The following DOK5 variants were observed in gnomAD, a reference collection of about 807,000 sequenced individuals.
DOK5 encodes docking protein 5.
Under a neutral mutation model 43.3 loss-of-function variants are expected in DOK5, and 27 were observed. The observed-to-expected ratio is 0.62, with a 90% CI of 0.46 to 0.86. DOK5 has a LOEUF of 0.86. DOK5 is among the 40% of genes least tolerant of loss of function. The pLI is 0.00. For synonymous variants in DOK5, 146 were observed against 140.1 expected, an observed-to-expected ratio of 1.04 and a Z score of -0.30; for missense variants, 373 against 392.9, an observed-to-expected ratio of 0.95 and a Z score of 0.43.
At chr20:54,618,162 G>A (rs900651229) in intron 6 of DOK5, among the ~76,000 whole-genome samples, 1 of 152,142 alleles carries the variant, frequency 6.6e-6, no homozygotes, top group African/African-American at 2.4e-5. Flanking sequence ...TGAGAAAAGG[G>A]ATGTTCAGCA....
At chr20:54,477,960 C>T (rs1371811472) in intron 1 of DOK5, among the ~76,000 whole-genome samples, 2 of 152,134 alleles carry the variant, frequency 1.3e-5, no homozygotes, top group Non-Finnish European at 2.9e-5. Flanking sequence ...ATATTTGAAG[C>T]AGAAGGAACA....
At chr20:54,505,163 G>GCCCT (rs1157232923) in intron 1 of DOK5, among the ~76,000 whole-genome samples, 1 of 152,118 alleles carries the variant, frequency 6.6e-6, no homozygotes, top group Non-Finnish European at 1.5e-5. Context: ...GCAATGTAGG[G>GCCCT]ATATTATAGG....
intron 6 of DOK5, among the ~76,000 whole-genome samples, chr20:54,626,719 T>A (rs1162821893): frequency 3.9e-5 from 6 of 152,172 alleles, no homozygotes; most frequent in Admixed American, 2.6e-4. Context: ...ATGGGTGTCG[T>A]GATGCAATTG....
intron 5 of DOK5, among the ~76,000 whole-genome samples, chr20:54,600,343 A>T (rs760846021): frequency 2.6e-5 from 4 of 152,098 alleles, no homozygotes; most frequent in Non-Finnish European, 5.9e-5. Context: ...AGTTTGAGCA[A>T]GTCCCCAAGA....
At chr20:54,593,814 C>T (rs2146773138) in intron 5 of DOK5, among the ~76,000 whole-genome samples, 1 of 152,236 alleles carries the variant, frequency 6.6e-6, no homozygotes, top group East Asian at 1.9e-4. Context: ...ACTATGCAGC[C>T]ATAAAAAAGA....
chr20:54,498,819 A>C (rs934604910), intron 1 of DOK5, among the ~76,000 whole-genome samples: 12 of 152,178 alleles, frequency 7.9e-5, no homozygotes, highest in African/African-American at 2.9e-4. Context: ...GCCAAAAAAG[A>C]CTTTTTTTCT....
chr20:54,574,125 GTC>G (rs1985381930), intron 2 of DOK5, among the ~76,000 whole-genome samples: 1 of 152,132 alleles, frequency 6.6e-6, no homozygotes, highest in African/African-American at 2.4e-5. Context: ...TCTGCTGCAA[GTC>G]TCTGTTGAAG....
intron 1 of DOK5, among the ~76,000 whole-genome samples, chr20:54,528,009 C>G (rs1568768367): frequency 6.6e-6 from 1 of 152,086 alleles, no homozygotes; most frequent in African/African-American, 2.4e-5. Flanking sequence ...GTATTTGAGA[C>G]CAGCCTGACC....
chr20:54,630,292 A>C (rs527530659), intron 6 of DOK5, among the ~76,000 whole-genome samples: 1 of 152,280 alleles, frequency 6.6e-6, no homozygotes, highest in East Asian at 1.9e-4. Flanking sequence ...GATACATAAG[A>C]AGTCTTATAG....
chr20:54,607,672 G>A (rs1986513326), intron 5 of DOK5, among the ~76,000 whole-genome samples: 1 of 152,012 alleles, frequency 6.6e-6, no homozygotes, highest in Non-Finnish European at 1.5e-5. Flanking sequence ...AGATCACGAG[G>A]TCAGGAGTTC....
intron 1 of DOK5, among the ~76,000 whole-genome samples, chr20:54,483,339 A>G (rs188495449): frequency 2.0e-5 from 3 of 152,302 alleles, no homozygotes; most frequent in East Asian, 3.9e-4. Flanking sequence ...CTTAGTTTTC[A>G]TTGGAATATA....
intron 1 of DOK5, among the ~76,000 whole-genome samples, chr20:54,508,022 A>G (rs961414423): frequency 2.0e-5 from 3 of 152,206 alleles, no homozygotes; most frequent in Admixed American, 2.0e-4. Context: ...GCACAAAGCC[A>G]TGAGAAATAC....
At chr20:54,527,375 A>T (rs1320143320) in intron 1 of DOK5, among the ~76,000 whole-genome samples, 2 of 152,200 alleles carry the variant, frequency 1.3e-5, no homozygotes, top group Non-Finnish European at 2.9e-5. Flanking sequence ...AAGCTTCCTT[A>T]CACTTGCAAT....
rs1402321951 is a variant in DOK5, at chr20:54,644,663, G to A, written c.856+1085G>A. 2.7e-5 allele frequency among the ~76,000 whole-genome samples: 4 copies of A among 147,784 alleles called. No individual in the cohort carries two copies. The South Asian group carries it at 6.4e-4, about 24-fold the overall frequency. ...GGAGCTTGCAGTGAGCCGAGATAGC[G>A]CCACTGCACTCCAGCCTGGGTGACA... On this transcript the variant is annotated intron_variant, in intron 7 of 7. Transcript: ENST00000262593.
At chr20:54,489,910 A>G (rs959081063) in intron 1 of DOK5, among the ~76,000 whole-genome samples, 4 of 152,250 alleles carry the variant, frequency 2.6e-5, no homozygotes, top group African/African-American at 9.6e-5. Flanking sequence ...GTTGCTTTGG[A>G]GGATGTTCTC....
At chr20:54,478,945 T>G (rs1380884327) in intron 1 of DOK5, among the ~76,000 whole-genome samples, 1 of 152,192 alleles carries the variant, frequency 6.6e-6, no homozygotes, top group African/African-American at 2.4e-5. Flanking sequence ...CAGCTCCAGA[T>G]TTTTTCAATG....
intron 1 of DOK5, among the ~76,000 whole-genome samples, chr20:54,488,054 A>G (rs901127731): frequency 3.9e-5 from 6 of 152,198 alleles, no homozygotes; most frequent in Admixed American, 3.9e-4. Flanking sequence ...TCCCCTAGCA[A>G]AATTGACTCT....
At chr20:54,538,725 C>A (rs547445040) in intron 1 of DOK5, among the ~76,000 whole-genome samples, 6 of 151,872 alleles carry the variant, frequency 4.0e-5, no homozygotes, top group African/African-American at 1.5e-4. Flanking sequence ...AAAGTTTATC[C>A]CAGAGAAATA....
intron 1 of DOK5, among the ~76,000 whole-genome samples, chr20:54,514,553 C>T (rs1012061413): frequency 8.1e-5 from 12 of 148,428 alleles, no homozygotes; most frequent in Admixed American, 1.3e-4. Flanking sequence ...CTAGTAACTA[C>T]AGCTTTACTA....
Sources: gnomAD v4.1 joint callset for allele counts (sites outside exome capture counted in the v4.1 genomes callset) on GRCh38, gnomAD v4.1.1 for gene constraint, MANE v1.5 for transcripts, NCBI Gene and HGNC (gene_info 2026-07-23, HGNC 2026-07-21) for gene names.